The following GRIP1 variants were observed in gnomAD, a reference collection of about 807,000 sequenced individuals.
GRIP1 encodes the protein glutamate receptor-interacting protein 1.
In GRIP1, 45 loss-of-function variants were observed where a neutral mutation model predicts 129.9. That is an observed-to-expected ratio of 0.35 (90% CI 0.27 to 0.44). The LOEUF (loss-of-function observed/expected upper bound fraction) is 0.44. Ranked by LOEUF, GRIP1 falls within the 20% of genes least tolerant of loss-of-function variation. The pLI is 1.00. For synonymous variants in GRIP1, 530 were observed against 520.8 expected, an observed-to-expected ratio of 1.02 and a Z score of -0.24; for missense variants, 1,196 against 1,396.8, an observed-to-expected ratio of 0.86 and a Z score of 2.29.
At chr12:66,791,060 A>G (rs191728128) in intron 1 of GRIP1, among the ~76,000 whole-genome samples, 102 of 152,296 alleles carry the variant, frequency 6.7e-4, no homozygotes, top group Non-Finnish European at 8.8e-5. Flanking sequence ...CTAAATTTGG[A>G]ATAAGGTGAT....
chr12:66,918,381 T>A (rs1345823490), intron 1 of GRIP1, among the ~76,000 whole-genome samples: 1 of 152,192 alleles, frequency 6.6e-6, no homozygotes, highest in Non-Finnish European at 1.5e-5. Context: ...GGGAGGGCCA[T>A]CTTATTTTCT....
chr12:67,062,652 A>G (rs2043555559), intron 1 of GRIP1, among the ~76,000 whole-genome samples: 1 of 152,160 alleles, frequency 6.6e-6, no homozygotes, highest in Non-Finnish European at 1.5e-5. Flanking sequence ...CTCTACAACT[A>G]TACTTAATAA....
At chr12:66,496,751 GAGATTCAGGC>G (rs2060248948) in intron 7 of GRIP1, among the ~76,000 whole-genome samples, 1 of 152,132 alleles carries the variant, frequency 6.6e-6, no homozygotes, top group African/African-American at 2.4e-5. Context: ...GTGGTGCTCT[GAGATTCAGGC>G]ATCCTGATGC....
chr12:66,903,508 A>G (rs574877077), intron 1 of GRIP1, among the ~76,000 whole-genome samples: 8 of 151,880 alleles, frequency 5.3e-5, no homozygotes, highest in African/African-American at 1.9e-4. Context: ...ATTATTTTTT[A>G]AAGAATATCT....
intron 1 of GRIP1, among the ~76,000 whole-genome samples, chr12:66,769,175 C>G (rs2037738331): frequency 6.6e-6 from 1 of 152,026 alleles, no homozygotes. Context: ...ATTTGAGGAT[C>G]ACTGCCTCCA....
intron 7 of GRIP1, among the ~76,000 whole-genome samples, chr12:66,514,155 T>C (rs12099994): frequency 6.6e-6 from 1 of 152,066 alleles, no homozygotes; most frequent in Non-Finnish European, 1.5e-5. Context: ...TTACTGTCTG[T>C]TTTTCCTATC....
At chr12:67,009,637 A>G (rs1310397455) in intron 1 of GRIP1, among the ~76,000 whole-genome samples, 1 of 152,182 alleles carries the variant, frequency 6.6e-6, no homozygotes, top group Non-Finnish European at 1.5e-5. Context: ...ACTGCTCAAC[A>G]CTGTGAAAGT....
intron 2 of GRIP1, among the ~76,000 whole-genome samples, chr12:66,554,791 G>C (rs755580940): frequency 2.2e-4 from 34 of 152,188 alleles, no homozygotes; most frequent in Admixed American, 3.9e-4. Context: ...TGGTGGCCAT[G>C]GGGAGAGGCT....
intron 1 of GRIP1, among the ~76,000 whole-genome samples, chr12:66,745,415 G>A (rs946728499): frequency 3.3e-5 from 5 of 152,166 alleles, no homozygotes; most frequent in African/African-American, 1.2e-4. Flanking sequence ...AATAAATGTA[G>A]TCATTCATTC....
chr12:66,807,126 C>T (rs2039009123), upstream of GRIP1, among the ~76,000 whole-genome samples: 1 of 152,074 alleles, frequency 6.6e-6, no homozygotes, highest in Non-Finnish European at 1.5e-5. Flanking sequence ...ACACCGGGTG[C>T]TCTGCCTGAG....
intron 1 of GRIP1, among the ~76,000 whole-genome samples, chr12:66,986,845 T>G (rs1192913859): frequency 8.9e-6 from 1 of 111,780 alleles, no homozygotes; most frequent in African/African-American, 3.7e-5. Flanking sequence ...AAAATAAAAT[T>G]TTTAAAAAAT....
Position 66,638,741 on chromosome 12 carries a change from TTC to T in GRIP1, c.55+40107_55+40108del, listed in dbSNP as rs373118943. Reference sequence around the variant, plus strand: ...GTCTAAGGTGAGTGTTGGGATCTCATTCTCTCTCTCTCTCTTTTTTTTGTCTT... The same window carrying T: ...GTCTAAGGTGAGTGTTGGGATCTCATTCTCTCTCTCTCTTTTTTTTGTCTT... On this transcript the variant is annotated intron_variant, in intron 1 of 24. Transcript: ENST00000359742. Among the ~76,000 whole-genome samples the T allele has an allele frequency of 4.2e-3, 633 of 151,978 alleles. 1 individual carries two copies. The highest frequency in any genetic ancestry group is 0.014 in the African/African-American group (586 of 41,488).
chr12:66,961,216 A>ATGG (rs1339258060), intron 1 of GRIP1, among the ~76,000 whole-genome samples: 6 of 151,900 alleles, frequency 3.9e-5, no homozygotes, highest in African/African-American at 1.5e-4. Flanking sequence ...AAGAGCAGAG[A>ATGG]CGGAGGAGGA....
intron 1 of GRIP1, among the ~76,000 whole-genome samples, chr12:66,825,251 T>C (rs2039389473): frequency 6.6e-6 from 1 of 152,198 alleles, no homozygotes; most frequent in South Asian, 2.1e-4. Context: ...AGCAAATTTT[T>C]TCATGCCATA....
intron 1 of GRIP1, among the ~76,000 whole-genome samples, chr12:66,769,515 C>T (rs917256348): frequency 5.9e-5 from 9 of 152,084 alleles, no homozygotes. Flanking sequence ...AGCGAATTCC[C>T]TGTGGTGAGG....
At chr12:66,889,828 C>T (rs1309668809) in intron 1 of GRIP1, among the ~76,000 whole-genome samples, 1 of 152,172 alleles carries the variant, frequency 6.6e-6, no homozygotes. Flanking sequence ...TGCCACTGAT[C>T]GAGTGCCTAA....
chr12:66,900,044 G>A (rs1410920276), intron 1 of GRIP1, among the ~76,000 whole-genome samples: 1 of 152,142 alleles, frequency 6.6e-6, no homozygotes, highest in Non-Finnish European at 1.5e-5. Flanking sequence ...GCCTGAAAAT[G>A]TCCTCTTGAA....
intron 1 of GRIP1, among the ~76,000 whole-genome samples, chr12:67,018,091 C>G (rs562187132): frequency 6.6e-6 from 1 of 152,268 alleles, no homozygotes; most frequent in East Asian, 1.9e-4. Flanking sequence ...TCGTCCTGGT[C>G]TCACTTCAGC....
chr12:66,988,365 T>A (rs1027873652), intron 1 of GRIP1, among the ~76,000 whole-genome samples: 5 of 152,130 alleles, frequency 3.3e-5, no homozygotes, highest in Admixed American at 2.6e-4. Context: ...TCTCTGATAT[T>A]CTAGAAATTC....
Sources: gnomAD v4.1 joint callset for allele counts (sites outside exome capture counted in the v4.1 genomes callset) on GRCh38, gnomAD v4.1.1 for gene constraint, MANE v1.5 for transcripts, NCBI Gene and HGNC (gene_info 2026-07-23, HGNC 2026-07-21) for gene names.